The following SUPT20H variants were observed in gnomAD, a reference collection of about 807,000 sequenced individuals.
SUPT20H encodes the protein SPT20 homolog, SAGA complex component.
SUPT20H carries 82 observed loss-of-function variants against 122.8 expected under a neutral mutation model. The observed-to-expected ratio is 0.67, with a 90% CI of 0.56 to 0.80. SUPT20H has a LOEUF of 0.80. SUPT20H is among the 30% of genes least tolerant of loss of function. The pLI, the probability that SUPT20H is intolerant of heterozygous loss-of-function variation, is 0.00. For missense variants in SUPT20H, 831 were observed against 921.6 expected, an observed-to-expected ratio of 0.90 and a Z score of 1.27; for synonymous variants, 291 against 313.0, an observed-to-expected ratio of 0.93 and a Z score of 0.74.
chr13:37,024,217 C>T, intron 18 of SUPT20H, 24 bp from the exon 19 acceptor site: 2 of 1,585,112 alleles, frequency 1.3e-6, no homozygotes, highest in Admixed American at 1.8e-5. Context: ...AAAGTTATTT[C>T]CTAAATTTAT....
At position 37,025,319 on chromosome 13, in the gene SUPT20H, C is replaced by T. The variant is rs758485776; in HGVS notation, c.1329+1G>A. On this transcript the variant is annotated splice_donor_variant, in intron 17 of 25. Transcript: ENST00000350612. LOFTEE classifies it high-confidence loss of function. ...AAAGAAGTAACATTAATGAAACACA[C>T]ATCTGTTTCTTTCCCTGGAGAAACC... 3 of 1,590,922 alleles carry T rather than the reference C, an allele frequency of 1.9e-6. No individual in the cohort carries two copies. Among genetic ancestry groups the T allele is most frequent in the Non-Finnish European group, 2.6e-6 (3 of 1,158,894 alleles).
At chr13:37,056,677 A>T (rs1445564559) in intron 1 of SUPT20H, among the ~76,000 whole-genome samples, 1 of 152,128 alleles carries the variant, frequency 6.6e-6, no homozygotes, top group Non-Finnish European at 1.5e-5. Context: ...ATGACAAGTT[A>T]ATGGGTGCAG....
intron 23 of SUPT20H, 48 bp downstream of exon 23, chr13:37,017,197 T>C: frequency 6.2e-7 from 1 of 1,612,820 alleles, no homozygotes; most frequent in Non-Finnish European, 8.5e-7. Flanking sequence ...TACCAAAAAA[T>C]GTTATAAATT....
At chr13:37,045,827 G>C (rs2066318330) in intron 5 of SUPT20H, among the ~76,000 whole-genome samples, 1 of 151,940 alleles carries the variant, frequency 6.6e-6, no homozygotes, top group African/African-American at 2.4e-5. Context: ...ATATTTTATA[G>C]GCTAAATAAG....
At chr13:37,052,988 G>A (rs543878971) in intron 1 of SUPT20H, among the ~76,000 whole-genome samples, 1 of 152,288 alleles carries the variant, frequency 6.6e-6, no homozygotes, top group South Asian at 2.1e-4. Context: ...TCTCACACCA[G>A]TTAGAATGGC....
chr13:37,021,693 G>A, intron 20 of SUPT20H, 91 bp from the exon 21 acceptor site: 1 of 1,343,796 alleles, frequency 7.4e-7, no homozygotes, highest in Non-Finnish European at 1.0e-6. Flanking sequence ...AAACTACTAA[G>A]CAAACACAAC....
chr13:37,056,557 T>C lies in SUPT20H; in HGVS notation c.-94+3002A>G, dbSNP rs181464137. 2.2e-4 allele frequency among the ~76,000 whole-genome samples: 34 copies of C among 152,102 alleles called. 1 individual carries two copies. The highest frequency in any genetic ancestry group is 3.9e-4 in the African/African-American group (16 of 41,502). ...GCATGTTCTCACTCATAGGTGAGAA[T>C]TGAGCAATGAGAACTCATGGACACA... On this transcript the variant is annotated intron_variant, in intron 1 of 25. Coordinates refer to ENST00000350612, the MANE Select transcript of SUPT20H (RefSeq NM_001014286.3).
intron 7 of SUPT20H, among the ~76,000 whole-genome samples, chr13:37,042,461 T>C (rs1468698414): frequency 6.6e-6 from 1 of 152,122 alleles, no homozygotes; most frequent in East Asian, 1.9e-4. Context: ...GGACTGAACC[T>C]GAAAACACAC....
rs758248865 is a variant in SUPT20H, at chr13:37,024,028, G to T, written c.1591+7C>A. On this transcript the variant is annotated splice_region_variant and intron_variant, in intron 19 of 25. Transcript: ENST00000350612. ...AGATTTAATGAAGAATTTAAGTTAT[G>T]ACTCACTTTGTGATGAGCTGGCAGG... The T allele has an allele frequency of 1.9e-6, 3 of 1,595,536 alleles. No individual in the cohort carries two copies. The South Asian group carries it at 3.4e-5, about 18-fold the overall frequency.
At chr13:37,041,247 C>A (rs924581571) in intron 7 of SUPT20H, among the ~76,000 whole-genome samples, 1 of 152,116 alleles carries the variant, frequency 6.6e-6, no homozygotes, top group African/African-American at 2.4e-5. Context: ...AGGCTGGGTG[C>A]AGTAGCTCAT....
In SUPT20H at chr13:37,045,266, G is replaced by A. The variant is rs1385971390; in HGVS notation, c.273C>T (p.Leu91=). The A allele has an allele frequency of 1.2e-6, 2 of 1,613,210 alleles. No homozygotes were observed. Among genetic ancestry groups the A allele is most frequent in the South Asian group, 1.1e-5 (1 of 91,020 alleles). ...TCTTACCTGATCCGTTTTTTCCCCT[G>A]AGCATCAGAGAATATCCCTCATTTC... The part of the protein sequence containing the change: ...YPGNEGYSLM[L]RGKNGSDSET... Residue 91 remains leucine (L), a synonymous_variant, in exon 6 of 26, where the codon CTC becomes CTT. Transcript: ENST00000350612.
intron 5 of SUPT20H, among the ~76,000 whole-genome samples, chr13:37,046,260 C>T (rs9576156): frequency 0.32 from 48,245 of 151,964 alleles, 9,104 homozygotes; most frequent in East Asian, 0.71. Context: ...TGATGTTAAA[C>T]TAGTAAAGAG....
chr13:37,030,011 C>T (rs2063019654), intron 12 of SUPT20H, among the ~76,000 whole-genome samples, 175 bp from the exon 13 acceptor site: 1 of 152,156 alleles, frequency 6.6e-6, no homozygotes, highest in East Asian at 1.9e-4. Flanking sequence ...GTTTAAAAGT[C>T]TTCTGATGTG....
At position 37,033,519 on chromosome 13, in the gene SUPT20H, TAG is replaced by T. The variant is rs1309434269; in HGVS notation, c.635_636del (p.Ser212TyrfsTer13). 2 of 1,613,670 alleles carry T rather than the reference TAG, an allele frequency of 1.2e-6. No individual in the cohort carries two copies. Among genetic ancestry groups the T allele is most frequent in the Non-Finnish European group, 8.5e-7 (1 of 1,179,842 alleles). ...CTGTTTGCAGTGCAGGTGACTGCTA[TAG>T]AAGGATCAAGACAGAGTGGTTCAGC... ...ATAEPLCLDP[S>X]IAVTCTANRL... On this transcript the variant is annotated frameshift_variant, in exon 10 of 26. Coordinates refer to ENST00000350612, the MANE Select transcript of SUPT20H (RefSeq NM_001014286.3). LOFTEE classifies it high-confidence loss of function.
intron 12 of SUPT20H, 128 bp downstream of exon 12, chr13:37,031,439 T>C (rs2063306282): frequency 4.0e-6 from 2 of 505,262 alleles, no homozygotes; most frequent in Admixed American, 3.9e-5. Context: ...AAAAAACTTG[T>C]TTAGAGTATG....
At chr13:37,055,397 T>C (rs184314586) in intron 1 of SUPT20H, among the ~76,000 whole-genome samples, 1,661 of 152,264 alleles carry the variant, frequency 0.011, 24 homozygotes, top group African/African-American at 0.038. Flanking sequence ...CAAAACAGCA[T>C]GGTACTTGTA....
intron 1 of SUPT20H, chr13:37,056,861 G>C (rs896566416): frequency 6.6e-6 from 1 of 152,098 alleles, no homozygotes; most frequent in African/African-American, 2.4e-5. Flanking sequence ...TCAAACTGTG[G>C]GATGCCTGTG....
At chr13:37,019,281 A>G (rs1052677517) in intron 22 of SUPT20H, 61 bp downstream of exon 22, 1 of 1,305,356 alleles carries the variant, frequency 7.7e-7, no homozygotes, top group Non-Finnish European at 1.1e-6. Context: ...ATAGATATAC[A>G]TTGTTTAGAA....
At chr13:37,026,719 G>T in intron 15 of SUPT20H, 71 bp downstream of exon 15, 1 of 886,158 alleles carries the variant, frequency 1.1e-6, no homozygotes, top group Non-Finnish European at 1.7e-6. Context: ...AGTATATTTA[G>T]CAAGTCTTTT....
Sources: gnomAD v4.1 joint callset for allele counts (sites outside exome capture counted in the v4.1 genomes callset) on GRCh38, gnomAD v4.1.1 for gene constraint, MANE v1.5 for transcripts, NCBI Gene and HGNC (gene_info 2026-07-23, HGNC 2026-07-21) for gene names.